Variants in CHD2 observed in about 807,000 individuals in gnomAD.
The protein encoded by CHD2 is ATP-dependent chromatin remodeler CHD2.
Under a neutral mutation model 243.9 loss-of-function variants are expected in CHD2, and 28 were observed. That is an observed-to-expected ratio of 0.11 (90% confidence interval 0.09 to 0.16). The LOEUF is 0.16. CHD2 is among the 10% of genes least tolerant of loss of function. CHD2 has a pLI of 1.00. For missense variants in CHD2, 1,386 were observed against 2,209.8 expected, an observed-to-expected ratio of 0.63 and a Z score of 7.47; for synonymous variants, 775 against 779.0, an observed-to-expected ratio of 0.99 and a Z score of 0.09.
intron 16 of CHD2, 101 bp downstream of exon 16, chr15:92,956,750 T>C (rs1264804122): frequency 8.7e-7 from 1 of 1,150,936 alleles, no homozygotes; most frequent in Non-Finnish European, 1.2e-6. Flanking sequence ...ATGGCATGGT[T>C]TGGGGAAAGC....
At chr15:92,987,433 C>G (rs2054057645) in intron 26 of CHD2, among the ~76,000 whole-genome samples, 1 of 151,928 alleles carries the variant, frequency 6.6e-6, no homozygotes, top group Admixed American at 6.6e-5. Flanking sequence ...AACCCTCTCT[C>G]TACTAAAAAT....
intron 2 of CHD2, among the ~76,000 whole-genome samples, chr15:92,920,166 G>T (rs2052927334): frequency 6.6e-6 from 1 of 151,876 alleles, no homozygotes; most frequent in Non-Finnish European, 1.5e-5. Flanking sequence ...TCCCCAGAAG[G>T]TATTGTTGTG....
chr15:92,945,159 G>A (rs1005898641), intron 10 of CHD2: 1 of 152,578 alleles, frequency 6.6e-6, no homozygotes, highest in African/African-American at 2.4e-5. Flanking sequence ...GAGAGGAAAT[G>A]CTGTCAGTCA....
chr15:92,908,108 T>A (rs1044142262), intron 2 of CHD2, among the ~76,000 whole-genome samples: 1 of 151,672 alleles, frequency 6.6e-6, no homozygotes, highest in Non-Finnish European at 1.5e-5. Context: ...GCCCGGCTTT[T>A]GCCAGTTAGT....
chr15:93,002,614 A>C (rs1044721798), intron 33 of CHD2, among the ~76,000 whole-genome samples: 2 of 152,248 alleles, frequency 1.3e-5, no homozygotes, highest in Non-Finnish European at 2.9e-5. Flanking sequence ...ATTTACATGT[A>C]AATACGAAAT....
chr15:92,966,466 A>T (rs1020439777), intron 16 of CHD2, among the ~76,000 whole-genome samples: 1 of 152,180 alleles, frequency 6.6e-6, no homozygotes, highest in African/African-American at 2.4e-5. Context: ...AGTGTGAGAA[A>T]ATACAGTTTA....
chr15:92,921,011 G>C (rs907856310), intron 2 of CHD2, among the ~76,000 whole-genome samples: 1 of 152,022 alleles, frequency 6.6e-6, no homozygotes, highest in South Asian at 2.1e-4. Context: ...CAGCATGTGT[G>C]TCATTGCTAA....
chr15:92,910,277 A>G (rs1238019665), intron 2 of CHD2, among the ~76,000 whole-genome samples: 2 of 152,166 alleles, frequency 1.3e-5, no homozygotes, highest in Non-Finnish European at 2.9e-5. Flanking sequence ...TTTATTTAAT[A>G]TGAAAGTCAG....
At chr15:92,908,276 A>G (rs2052659125) in intron 2 of CHD2, among the ~76,000 whole-genome samples, 1 of 152,172 alleles carries the variant, frequency 6.6e-6, no homozygotes, top group Non-Finnish European at 1.5e-5. Context: ...TAATATTTAC[A>G]ACCAATGTCT....
chr15:92,901,322 C>T (rs920434931), intron 2 of CHD2, 23 bp downstream of exon 2: 16 of 1,506,536 alleles, frequency 1.1e-5, no homozygotes, highest in Middle Eastern at 3.4e-4. Flanking sequence ...AACTTTCTTC[C>T]TTTTTGTCTT....
chr15:92,955,738 A>C (rs2053610115), intron 15 of CHD2, among the ~76,000 whole-genome samples: 2 of 152,262 alleles, frequency 1.3e-5, no homozygotes, highest in African/African-American at 2.4e-5. Flanking sequence ...AAGGATATTA[A>C]CGTTATAAAT....
chr15:92,976,249 A>G (rs1388716614), intron 20 of CHD2, among the ~76,000 whole-genome samples: 3 of 152,198 alleles, frequency 2.0e-5, no homozygotes, highest in African/African-American at 4.8e-5. Flanking sequence ...TATGATGGCT[A>G]TATAGAACAC....
rs774655090 is a variant in CHD2 at position 92,984,327 on chromosome 15, A to G, written c.3067-3A>G. On this transcript the variant is annotated splice_polypyrimidine_tract_variant and splice_region_variant and intron_variant, in intron 24 of 38. Transcript: ENST00000394196. ...TGTCAGACAATGGGTTGTCTGTTTT[A>G]AGGTTGCCAACTTTGCAACAATGGA... 1.3e-6 allele frequency: 2 copies of G among 1,571,350 alleles called. No individual in the cohort carries two copies.
At chr15:92,921,773 A>G (rs2052960725) in intron 2 of CHD2, among the ~76,000 whole-genome samples, 1 of 152,144 alleles carries the variant, frequency 6.6e-6, no homozygotes, top group African/African-American at 2.4e-5. Context: ...TGTTCTTATG[A>G]CACTACTGGT....
At chr15:92,916,335 C>T (rs1005577241) in intron 2 of CHD2, among the ~76,000 whole-genome samples, 3 of 152,222 alleles carry the variant, frequency 2.0e-5, no homozygotes, top group Admixed American at 1.3e-4. Flanking sequence ...TACTTTTGGG[C>T]TCACAGTATT....
chr15:92,908,227 C>T (rs961675196), intron 2 of CHD2, among the ~76,000 whole-genome samples: 3 of 151,184 alleles, frequency 2.0e-5, no homozygotes, highest in African/African-American at 7.3e-5. Context: ...ATACTGAATA[C>T]TGTGGTGCAC....
Position 92,924,423 on chromosome 15 carries a change from C to T in CHD2, c.165C>T (p.Ser55=). ...GTGGACATGGCAGCGAGTCGAACAG[C>T]AGCTCTGAATCTTCTGAGAGTCAGT... ...PGSGHGSESN[S]SSESSESQSE... is the part of the protein sequence containing the mutation. Residue 55 remains serine (S), a synonymous_variant, in exon 3 of 39, where the codon AGC becomes AGT. Transcript: ENST00000394196. The T allele has an allele frequency of 1.2e-6, 2 of 1,614,134 alleles. No homozygotes were observed. The highest frequency in any genetic ancestry group is 2.2e-5 in the East Asian group (1 of 44,878).
chr15:92,923,329 T>C lies in CHD2; in HGVS notation c.63-992T>C, dbSNP rs558515477. ...AGGCTGGAGTACAGTGGCGTAATCA[T>C]GGCTCACTGCATCCTCGACTTCCTA... On this transcript the variant is annotated intron_variant, in intron 2 of 38. Coordinates refer to ENST00000394196, the MANE Select transcript of CHD2 (RefSeq NM_001271.4). Among the ~76,000 whole-genome samples the C allele has an allele frequency of 3.9e-5, 6 of 152,242 alleles. No homozygotes were observed. The East Asian group carries it at 9.7e-4, about 25-fold the overall frequency.
chr15:93,008,284 C>T (rs576328770), intron 34 of CHD2, among the ~76,000 whole-genome samples: 1 of 152,334 alleles, frequency 6.6e-6, no homozygotes, highest in Non-Finnish European at 1.5e-5. Context: ...GGGCTCAGCC[C>T]TCATCTGTGC....
Sources: gnomAD v4.1 joint callset for allele counts (sites outside exome capture counted in the v4.1 genomes callset) on GRCh38, gnomAD v4.1.1 for gene constraint, MANE v1.5 for transcripts, NCBI Gene and HGNC (gene_info 2026-07-23, HGNC 2026-07-21) for gene names.